LDLRAP1: variants seen among roughly 807,000 people sequenced by gnomAD.
LDLRAP1 encodes the protein low density lipoprotein receptor adapter protein 1.
Under a neutral mutation model 37.8 loss-of-function variants are expected in LDLRAP1, and 30 were observed. The ratio of observed to expected loss-of-function variants is 0.79; its 90% CI spans 0.59 to 1.08. The LOEUF (loss-of-function observed/expected upper bound fraction) is 1.08. LDLRAP1 is among the 50% of genes least tolerant of loss of function. LDLRAP1 has a pLI of 0.00. For missense variants in LDLRAP1, 375 were observed against 401.6 expected, an observed-to-expected ratio of 0.93 and a Z score of 0.57; for synonymous variants, 156 against 169.8, an observed-to-expected ratio of 0.92 and a Z score of 0.63.
At chr1:25,584,801 G>T in the LDLRAP1 span, among the ~76,000 whole-genome samples, 3 of 152,186 alleles carry the variant, frequency 2.0e-5, no homozygotes, top group Non-Finnish European at 4.4e-5. Context: ...TTCAGGATTT[G>T]GGGTGTTCTG....
chr1:25,562,837 G>T, intron 5 of LDLRAP1, 121 bp downstream of exon 5: 2 of 909,010 alleles, frequency 2.2e-6, no homozygotes, highest in South Asian at 2.7e-5. Flanking sequence ...CTGTGAGCAG[G>T]TCCCTTCACC....
the LDLRAP1 span, among the ~76,000 whole-genome samples, chr1:25,583,421 G>A: frequency 6.6e-6 from 1 of 151,930 alleles, no homozygotes; most frequent in Admixed American, 6.6e-5. Flanking sequence ...TCGAACTTCT[G>A]ACCTCAAGTG....
the LDLRAP1 span, among the ~76,000 whole-genome samples, chr1:25,584,302 G>T: frequency 1.8e-3 from 270 of 152,178 alleles, 2 homozygotes; most frequent in African/African-American, 6.3e-3. Flanking sequence ...GGGGCCCCTT[G>T]TGTGGTGGGT....
At chr1:25,560,606 A>T (rs1035890232) in intron 4 of LDLRAP1, among the ~76,000 whole-genome samples, 11 of 152,236 alleles carry the variant, frequency 7.2e-5, no homozygotes, top group Non-Finnish European at 1.5e-4. Flanking sequence ...TCCCTCCCCC[A>T]TGACCATTGG....
chr1:25,553,805 TG>T (rs2044133175), intron 1 of LDLRAP1, 116 bp from the exon 2 acceptor site: 5 of 1,108,410 alleles, frequency 4.5e-6, no homozygotes, highest in Non-Finnish European at 6.4e-6. Flanking sequence ...GCAGTAGTGG[TG>T]GGGGAGACCC....
chr1:25,587,050 C>T, the LDLRAP1 span, among the ~76,000 whole-genome samples: 1 of 152,222 alleles, frequency 6.6e-6, no homozygotes, highest in African/African-American at 2.4e-5. Context: ...AACCCTGTTC[C>T]AGGCTGGGCC....
chr1:25,562,975 T>G, intron 5 of LDLRAP1, 95 bp from the exon 6 acceptor site: 2 of 1,194,520 alleles, frequency 1.7e-6, no homozygotes, highest in Non-Finnish European at 2.5e-6. Flanking sequence ...AACTGCCCCT[T>G]GAGGTTGGCC....
chr1:25,555,083 C>T lies in LDLRAP1; in HGVS notation c.344+111C>T. 1.2e-6 allele frequency: 1 copy of T among 800,018 alleles called. No homozygotes were observed. The allele number at this position is 800,018 out of a possible 1,614,324, so 49.6% of individuals were successfully genotyped here. ...TCCTACCTGGGTGACATTGGAGCCT[C>T]AGTTTCCTCATCTGTAAAATGGGGG... On this transcript the variant is annotated intron_variant, in intron 3 of 8. Transcript: ENST00000374338. This position sits in a 1 kb window ranked among gnomAD's most constrained non-coding sequence, Gnocchi z 4.7.
rs571790973 is a variant in LDLRAP1 at position 25,548,182 on chromosome 1, G to A, written c.88+4396G>A. On this transcript the variant is annotated intron_variant, in intron 1 of 8. Transcript: ENST00000374338. ...ATCCTGGACTCTTCTCTCAATATGAGAATGGTCATGGACACGTTAAATCTC... is the reference window on the plus strand; with the variant it reads ...ATCCTGGACTCTTCTCTCAATATGAAAATGGTCATGGACACGTTAAATCTC... 5.9e-5 allele frequency among the ~76,000 whole-genome samples: 9 copies of A among 152,286 alleles called. No individual in the cohort carries two copies. The East Asian group carries it at 1.2e-3, about 20-fold the overall frequency.
chr1:25,561,541 G>C (rs1245059710), intron 4 of LDLRAP1, among the ~76,000 whole-genome samples: 1 of 152,194 alleles, frequency 6.6e-6, no homozygotes, highest in Non-Finnish European at 1.5e-5. Flanking sequence ...TGAACTTGTA[G>C]ACTTGAAAGA....
rs755499671 is a variant in LDLRAP1 at position 25,565,199 on chromosome 1, G to T, written c.774G>T (p.Ala258=). ...AGCTGGATGATGGCCTGGATGAAGC[G>T]TTTTCGAGGTAATGCTAGCTTCCTG... ...VWELDDGLDE[A]FSRLAQSRTN... Residue 258 remains alanine (A), a synonymous_variant, in exon 8 of 9, where the codon GCG becomes GCT. Transcript: ENST00000374338. 2 of 1,614,056 alleles carry T rather than the reference G, an allele frequency of 1.2e-6. No homozygotes were observed. The highest frequency in any genetic ancestry group is 2.7e-5 in the African/African-American group (2 of 74,946).
the LDLRAP1 span, among the ~76,000 whole-genome samples, chr1:25,582,997 G>A: frequency 2.6e-5 from 4 of 151,570 alleles, no homozygotes; most frequent in Non-Finnish European, 5.9e-5. Context: ...ACTTGAACCC[G>A]GGAGGCAGAG....
At chr1:25,561,132 G>A (rs2044332959) in intron 4 of LDLRAP1, among the ~76,000 whole-genome samples, 1 of 152,248 alleles carries the variant, frequency 6.6e-6, no homozygotes, top group African/African-American at 2.4e-5. Context: ...CACATTGGGT[G>A]TCCAGCCCTT....
chr1:25,556,332 G>A (rs1377582362), intron 3 of LDLRAP1, among the ~76,000 whole-genome samples: 1 of 152,142 alleles, frequency 6.6e-6, no homozygotes, highest in African/African-American at 2.4e-5. Flanking sequence ...CGAGGGCTCG[G>A]GTGGCCCCTA....
At chr1:25,552,723 C>T (rs574375193) in intron 1 of LDLRAP1, among the ~76,000 whole-genome samples, 1 of 152,298 alleles carries the variant, frequency 6.6e-6, no homozygotes, top group East Asian at 1.9e-4. Flanking sequence ...GTCAGTGCAG[C>T]CTGCTTTTGC....
At chr1:25,553,197 G>A (rs549662796) in intron 1 of LDLRAP1, among the ~76,000 whole-genome samples, 2 of 152,294 alleles carry the variant, frequency 1.3e-5, no homozygotes, top group South Asian at 2.1e-4. Flanking sequence ...ATTGTATGTG[G>A]CCTTCATCTC....
chr1:25,551,225 C>T (rs1002813043), intron 1 of LDLRAP1, among the ~76,000 whole-genome samples: 1 of 152,100 alleles, frequency 6.6e-6, no homozygotes, highest in Non-Finnish European at 1.5e-5. Context: ...TTAGATGGGT[C>T]TCAGGTTGAA....
the LDLRAP1 span, among the ~76,000 whole-genome samples, chr1:25,579,753 AGATG>A: frequency 2.0e-5 from 3 of 152,264 alleles, no homozygotes; most frequent in South Asian, 6.2e-4. Context: ...CTTTTTTCCC[AGATG>A]GCCACAGGCC....
the LDLRAP1 span, among the ~76,000 whole-genome samples, chr1:25,579,912 A>T: frequency 2.0e-5 from 3 of 152,144 alleles, no homozygotes; most frequent in African/African-American, 7.2e-5. Context: ...AAGGGTATGG[A>T]GCTCGAAACC....
Sources: allele counts gnomAD v4.1 joint callset (sites outside exome capture counted in the v4.1 genomes callset), GRCh38; gene constraint gnomAD v4.1.1; non-coding constraint Gnocchi (gnomAD v3.1); transcripts MANE v1.5; gene names NCBI Gene and HGNC (gene_info 2026-07-23, HGNC 2026-07-21).